Variants in ESR1 observed in about 807,000 individuals in gnomAD.
The protein encoded by ESR1 is estrogen receptor.
Under a neutral mutation model 52.7 loss-of-function variants are expected in ESR1, and 12 were observed. The ratio of observed to expected loss-of-function variants is 0.23; its 90% CI spans 0.15 to 0.37. The LOEUF (loss-of-function observed/expected upper bound fraction) is 0.37. Among genes scored for constraint, ESR1 ranks in the 10% least tolerant of loss-of-function variants. ESR1 has a pLI of 1.00. For synonymous variants in ESR1, 305 were observed against 316.8 expected (o/e 0.96, Z 0.39); for missense variants, 584 against 779.7 (o/e 0.75, Z 2.99).
intron 5 of ESR1, among the ~76,000 whole-genome samples, chr6:152,022,078 AG>A (rs1320839531): frequency 1.3e-5 from 2 of 152,170 alleles, no homozygotes; most frequent in Non-Finnish European, 2.9e-5. Context: ...TCTGGAAACT[AG>A]GTTTCTACTT....
chr6:151,982,279 T>C (rs2040063310), intron 4 of ESR1, among the ~76,000 whole-genome samples: 1 of 152,236 alleles, frequency 6.6e-6, no homozygotes, highest in African/African-American at 2.4e-5. Context: ...CTGGGTGTAT[T>C]CCATGACTTT....
At chr6:151,691,110 G>A (rs764364236) in intron 1 of ESR1, among the ~76,000 whole-genome samples, 16 of 152,328 alleles carry the variant, frequency 1.1e-4, no homozygotes, top group Middle Eastern at 3.4e-3. Flanking sequence ...CATAACTTAC[G>A]TGAGTTTGAA....
intron 2 of ESR1, among the ~76,000 whole-genome samples, chr6:151,759,508 A>G (rs1232878388): frequency 2.0e-5 from 3 of 151,962 alleles, no homozygotes; most frequent in Non-Finnish European, 4.4e-5. Flanking sequence ...TAAAACTTAA[A>G]GTATAATAAT....
intron 1 of ESR1, among the ~76,000 whole-genome samples, chr6:151,812,850 T>G (rs1380858910): frequency 1.3e-5 from 2 of 152,080 alleles, no homozygotes; most frequent in Non-Finnish European, 2.9e-5. Context: ...ATACAGCCAC[T>G]TGAAACCAGC....
intron 6 of ESR1, among the ~76,000 whole-genome samples, chr6:152,063,255 A>G (rs533216967): frequency 6.6e-6 from 1 of 152,278 alleles, no homozygotes; most frequent in African/African-American, 2.4e-5. Flanking sequence ...CAGAAACGCT[A>G]TTGTAGAAAT....
At chr6:151,718,003 C>T (rs1781179651) in intron 2 of ESR1, among the ~76,000 whole-genome samples, 1 of 152,102 alleles carries the variant, frequency 6.6e-6, no homozygotes, top group African/African-American at 2.4e-5. Flanking sequence ...TTCCTTATTC[C>T]TCACCATTTT....
At chr6:151,660,427 T>C (rs1777599723) in intron 1 of ESR1, among the ~76,000 whole-genome samples, 1 of 152,246 alleles carries the variant, frequency 6.6e-6, no homozygotes, top group African/African-American at 2.4e-5. Context: ...TGTCAAACTA[T>C]TGGCCCTTTC....
At chr6:151,996,480 C>T (rs2041496252) in intron 4 of ESR1, among the ~76,000 whole-genome samples, 1 of 152,032 alleles carries the variant, frequency 6.6e-6, no homozygotes, top group African/African-American at 2.4e-5. Flanking sequence ...GTGCCAAAGC[C>T]CCTCTGCCTT....
upstream of ESR1, among the ~76,000 whole-genome samples, chr6:151,806,536 A>ATATATATATATATATATG (rs1777888061): frequency 7.4e-6 from 1 of 135,638 alleles, no homozygotes; most frequent in Non-Finnish European, 1.6e-5. Flanking sequence ...ATATGTATAT[A>ATATATATATATATATATG]TATATATATA....
At chr6:151,828,749 C>A (rs1781914539) in intron 1 of ESR1, among the ~76,000 whole-genome samples, 1 of 152,192 alleles carries the variant, frequency 6.6e-6, no homozygotes, top group African/African-American at 2.4e-5. Flanking sequence ...TCAACCCAAT[C>A]CTCTGTCACC....
In ESR1 at chr6:151,842,866, A is replaced by C. The variant is rs1371978555; in HGVS notation, c.643+79A>C. The C allele has an allele frequency of 1.8e-5, 22 of 1,246,572 alleles. No individual in the cohort carries two copies. In the Admixed American group the frequency reaches 2.4e-4, roughly 14 times the overall value. 77.2% of individuals were successfully genotyped at this position (1,246,572 alleles called of 1,614,324 possible). On this transcript the variant is annotated intron_variant, in intron 2 of 7. Coordinates refer to ENST00000206249, the MANE Select transcript of ESR1 (RefSeq NM_000125.4). ...GAGCCAAAGCGACTGAGGAAGGAAG[A>C]CATAGAATCAGCCATTTGTACAAAA...
intron 5 of ESR1, among the ~76,000 whole-genome samples, chr6:152,059,093 A>G (rs1431584643): frequency 6.6e-6 from 1 of 152,136 alleles, no homozygotes; most frequent in African/African-American, 2.4e-5. Flanking sequence ...GCCAAAATAA[A>G]TCCCCAAAAA....
At position 151,839,568 on chromosome 6, in the gene ESR1, T is replaced by C. The variant is rs142196028; in HGVS notation, c.453-3029T>C. Among the ~76,000 whole-genome samples, 678 of 152,330 alleles carry C rather than the reference T, an allele frequency of 4.5e-3. 3 individuals carry two copies. The highest frequency in any genetic ancestry group is 0.014 in the African/African-American group (585 of 41,576). ...ATAGTTATAGCAACATTATTCATAA[T>C]AGCCAAAAAGTAGAAGCAATCCAGA... is the stretch of plus-strand genomic sequence containing the variant. On this transcript the variant is annotated intron_variant, in intron 1 of 7. Coordinates refer to ENST00000206249, the MANE Select transcript of ESR1 (RefSeq NM_000125.4).
Position 151,781,608 on chromosome 6 carries a change from C to T in ESR1, c.-70-26235C>T, listed in dbSNP as rs1421683318. On this transcript the variant is annotated intron_variant, in intron 2 of 2. Transcript: ENST00000404742. The stretch of plus-strand genomic sequence containing the variant: ...GAATGTTTGATCCCCTACATCCCAC[C>T]GCTTCGCTGTTTCCATTCCTTTCTC... Among the ~76,000 whole-genome samples the T allele has an allele frequency of 4.6e-5, 7 of 152,180 alleles. No individual in the cohort carries two copies. In the East Asian group the frequency reaches 7.7e-4, roughly 17 times the overall value.
intron 5 of ESR1, among the ~76,000 whole-genome samples, chr6:152,044,549 A>G (rs2046070919): frequency 6.6e-6 from 1 of 150,498 alleles, no homozygotes; most frequent in Non-Finnish European, 1.5e-5. Flanking sequence ...CCAAAACCTC[A>G]AAACTAGGGA....
intron 2 of ESR1, among the ~76,000 whole-genome samples, chr6:151,765,258 T>C (rs546254783): frequency 1.3e-4 from 20 of 152,334 alleles, no homozygotes; most frequent in African/African-American, 4.6e-4. Context: ...ATAGATATCG[T>C]AAAATTTACA....
At position 151,847,467 on chromosome 6, in the gene ESR1, G is replaced by A. The variant is rs375214793; in HGVS notation, c.643+4680G>A. Among the ~76,000 whole-genome samples the A allele has an allele frequency of 3.3e-5, 5 of 149,912 alleles. No homozygotes were observed. In the East Asian group the frequency reaches 9.8e-4, roughly 29 times the overall value. On this transcript the variant is annotated intron_variant, in intron 2 of 7. Coordinates refer to ENST00000206249, the MANE Select transcript of ESR1 (RefSeq NM_000125.4). ...TGAGATGATATCTCATAGTGGTTTT[G>A]ATTTGCATTTCTCTGATGGCCAGTG...
At chr6:151,868,204 T>C (rs1790304437) in intron 2 of ESR1, among the ~76,000 whole-genome samples, 1 of 152,146 alleles carries the variant, frequency 6.6e-6, no homozygotes, top group Non-Finnish European at 1.5e-5. Context: ...CTCGGCTCAA[T>C]GCAACCTCCG....
At chr6:152,040,399 T>G (rs1453804687) in intron 5 of ESR1, among the ~76,000 whole-genome samples, 1 of 152,168 alleles carries the variant, frequency 6.6e-6, no homozygotes, top group African/African-American at 2.4e-5. Context: ...AGGTCATCTT[T>G]TGGTGAGCAC....
Sources: gnomAD v4.1 joint callset for allele counts (sites outside exome capture counted in the v4.1 genomes callset) on GRCh38, gnomAD v4.1.1 for gene constraint, MANE v1.5 for transcripts, NCBI Gene and HGNC (gene_info 2026-07-23, HGNC 2026-07-21) for gene names.